The following NMU variants were observed in gnomAD, a reference collection of about 807,000 sequenced individuals.
NMU encodes neuromedin-U.
NMU carries 29 observed loss-of-function variants against 35.4 expected under a neutral mutation model. The observed-to-expected ratio is 0.82, with a 90% CI of 0.61 to 1.12. The LOEUF is 1.12. NMU is among the 50% of genes most tolerant of loss of function. NMU has a pLI of 0.00. For synonymous variants in NMU, 78 were observed against 81.3 expected (o/e 0.96, Z 0.22); for missense variants, 199 against 206.2 (o/e 0.97, Z 0.21).
chr4:55,614,713 T>C (rs1344878635), intron 3 of NMU, among the ~76,000 whole-genome samples: 1 of 152,252 alleles, frequency 6.6e-6, no homozygotes, highest in Non-Finnish European at 1.5e-5. Flanking sequence ...TTAGTTTATC[T>C]TGATGAAGTT....
intron 2 of NMU, among the ~76,000 whole-genome samples, chr4:55,629,063 A>G (rs949694567): frequency 1.3e-5 from 2 of 152,156 alleles, no homozygotes; most frequent in Non-Finnish European, 2.9e-5. Flanking sequence ...AAAATACTAT[A>G]TATATCCAAA....
intron 7 of NMU, 38 bp from the exon 8 acceptor site, chr4:55,600,613 A>G (rs1020314388): frequency 6.9e-7 from 1 of 1,456,630 alleles, no homozygotes; most frequent in Admixed American, 1.7e-5. Flanking sequence ...ATCACATAAC[A>G]CTAAAAATAA....
intron 7 of NMU, 86 bp from the exon 8 acceptor site, chr4:55,600,661 T>G: frequency 1.0e-6 from 1 of 960,720 alleles, no homozygotes; most frequent in Non-Finnish European, 1.7e-6. Flanking sequence ...AGGGTCAAAA[T>G]TACTTTCAAC....
At chr4:55,609,273 T>C in intron 3 of NMU, 94 bp from the exon 4 acceptor site, 1 of 902,598 alleles carries the variant, frequency 1.1e-6, no homozygotes, top group Non-Finnish European at 1.9e-6. Context: ...CATGAGGAAA[T>C]GCTAACTACC....
chr4:55,614,175 T>C (rs1426788106), intron 3 of NMU, among the ~76,000 whole-genome samples: 1 of 152,166 alleles, frequency 6.6e-6, no homozygotes, highest in Non-Finnish European at 1.5e-5. Flanking sequence ...AACTAAAAAA[T>C]TATAAGATGA....
chr4:55,633,356 G>C (rs984876449), intron 1 of NMU, among the ~76,000 whole-genome samples: 11 of 150,942 alleles, frequency 7.3e-5, no homozygotes, highest in Non-Finnish European at 8.9e-5. Flanking sequence ...AAAAGAAAGC[G>C]ACTAATATCC....
intron 4 of NMU, among the ~76,000 whole-genome samples, chr4:55,608,044 G>C (rs185581414): frequency 1.3e-5 from 2 of 152,018 alleles, no homozygotes; most frequent in African/African-American, 2.4e-5. Flanking sequence ...CTGGTGGGGC[G>C]AGCGCCTGTA....
chr4:55,610,143 C>A (rs1733868874), intron 3 of NMU, among the ~76,000 whole-genome samples: 1 of 152,062 alleles, frequency 6.6e-6, no homozygotes, highest in Non-Finnish European at 1.5e-5. Flanking sequence ...TGATTTACAG[C>A]TGAAGGGATT....
intron 9 of NMU, among the ~76,000 whole-genome samples, chr4:55,595,643 ATTTT>A (rs1211166376): frequency 4.5e-5 from 3 of 66,420 alleles, no homozygotes; most frequent in Admixed American, 2.0e-4. Context: ...ATATATATAT[ATTTT>A]TTTTTTTTTT....
chr4:55,619,863 C>A (rs965496959), intron 2 of NMU, among the ~76,000 whole-genome samples: 1 of 131,338 alleles, frequency 7.6e-6, no homozygotes, highest in African/African-American at 2.7e-5. Context: ...GACCCCTGAC[C>A]CCCGAGCAGC....
At chr4:55,598,565 G>A (rs1196350636) in intron 9 of NMU, among the ~76,000 whole-genome samples, 1 of 152,146 alleles carries the variant, frequency 6.6e-6, no homozygotes, top group Non-Finnish European at 1.5e-5. Flanking sequence ...ACAGTCAACA[G>A]CTACTAAATT....
intron 7 of NMU, among the ~76,000 whole-genome samples, chr4:55,603,945 A>ACGTATATG (rs1560513450): frequency 1.9e-5 from 2 of 105,576 alleles, no homozygotes; most frequent in Non-Finnish European, 4.0e-5. Context: ...ATATATATAT[A>ACGTATATG]TGTATATATG....
intron 6 of NMU, 128 bp downstream of exon 6, chr4:55,607,170 C>A: frequency 1.5e-6 from 1 of 650,308 alleles, no homozygotes; most frequent in Non-Finnish European, 2.8e-6. Context: ...GAATTTCATT[C>A]CTTTACTCAC....
At chr4:55,633,792 A>C (rs1715746655) in intron 1 of NMU, among the ~76,000 whole-genome samples, 1 of 152,236 alleles carries the variant, frequency 6.6e-6, no homozygotes, top group African/African-American at 2.4e-5. Context: ...ATTAAGAATT[A>C]TTCTATGAGC....
chr4:55,603,939 A>G (rs866269832), intron 7 of NMU, among the ~76,000 whole-genome samples: 1 of 63,836 alleles, frequency 1.6e-5, no homozygotes, highest in African/African-American at 6.1e-5. Flanking sequence ...ATATATATAT[A>G]TATATATGTA....
At chr4:55,601,928 T>A (rs145231912) in intron 7 of NMU, among the ~76,000 whole-genome samples, 1 of 151,882 alleles carries the variant, frequency 6.6e-6, no homozygotes, top group African/African-American at 2.4e-5. Context: ...GCCCAGGAGG[T>A]CAAGTCTGCA....
intron 2 of NMU, among the ~76,000 whole-genome samples, chr4:55,624,321 G>GA (rs1734433201): frequency 1.2e-5 from 1 of 82,334 alleles, no homozygotes; most frequent in Non-Finnish European, 2.5e-5. Context: ...AAATTTACAA[G>GA]AAAAAAACAA....
chr4:55,630,357 A>G (rs755831419), intron 2 of NMU, 45 bp downstream of exon 2: 3 of 1,376,314 alleles, frequency 2.2e-6, no homozygotes, highest in East Asian at 4.6e-5. Context: ...ATAATTTCAA[A>G]GAAGGGTAAA....
intron 2 of NMU, among the ~76,000 whole-genome samples, chr4:55,627,316 G>A (rs562251895): frequency 6.6e-6 from 1 of 151,746 alleles, no homozygotes; most frequent in East Asian, 1.9e-4. Flanking sequence ...GTTCCCACGA[G>A]TAGCTGTTCA....
Sources: gnomAD v4.1 joint callset for allele counts (sites outside exome capture counted in the v4.1 genomes callset) on GRCh38, gnomAD v4.1.1 for gene constraint, MANE v1.5 for transcripts, NCBI Gene and HGNC (gene_info 2026-07-23, HGNC 2026-07-21) for gene names.